The following MYL7 variants were observed in gnomAD, a reference collection of about 807,000 sequenced individuals.
MYL7 encodes myosin regulatory light chain 2, atrial isoform.
Under a neutral mutation model 22.5 loss-of-function variants are expected in MYL7, and 27 were observed. That is an observed-to-expected ratio of 1.20 (90% CI 0.89 to 1.66). The LOEUF (loss-of-function observed/expected upper bound fraction) is 1.66. MYL7 is among the 40% of genes most tolerant of loss of function. MYL7 has a pLI of 0.00. For synonymous variants in MYL7, 81 were observed against 84.4 expected (o/e 0.96, Z 0.22); for missense variants, 209 against 226.8 (o/e 0.92, Z 0.50).
chr7:44,140,919 G>A (rs2096264775), intron 2 of MYL7, 42 bp downstream of exon 2: 2 of 1,422,310 alleles, frequency 1.4e-6, no homozygotes, highest in South Asian at 1.1e-5. Flanking sequence ...TGGGGTGGGG[G>A]GGCCAGGATG....
At position 44,139,590 on chromosome 7, in the gene MYL7, G is replaced by A. The variant is rs779967809; in HGVS notation, c.378-21C>T. The A allele has an allele frequency of 6.3e-6, 10 of 1,598,050 alleles. No individual in the cohort carries two copies. In the Admixed American group the frequency reaches 1.7e-4, roughly 28 times the overall value. On this transcript the variant is annotated intron_variant, in intron 5 of 6. Transcript: ENST00000223364. ...TGAACCTGGGGGGTGAGGAGGGTCT[G>A]AGCAGGAGACTGCGGGGGAGTGACT...
Position 44,139,173 on chromosome 7 carries a change from G to A in MYL7, c.427-151C>T. On this transcript the variant is annotated intron_variant, in intron 6 of 6. Coordinates refer to ENST00000223364, the MANE Select transcript of MYL7 (RefSeq NM_021223.3). Reference sequence around the variant, plus strand: ...CCTAGACCCCAGACTCTGGGTTAATGTTTTTCTCTTGGCTGACTCTGGGCA... The same window carrying A: ...CCTAGACCCCAGACTCTGGGTTAATATTTTTCTCTTGGCTGACTCTGGGCA... 6.1e-6 allele frequency: 4 copies of A among 661,066 alleles called. No homozygotes were observed. The South Asian group carries it at 7.4e-5, about 12-fold the overall frequency. The allele number at this position is 661,066 out of a possible 1,614,324, so 41.0% of individuals were successfully genotyped here.
In MYL7 at chr7:44,141,058, C is replaced by T. The variant is rs1243492068; in HGVS notation, c.20G>A (p.Gly7Glu). 2 of 1,613,850 alleles carry T rather than the reference C, an allele frequency of 1.2e-6. No homozygotes were observed. The highest frequency in any genetic ancestry group is 1.7e-6 in the Non-Finnish European group (2 of 1,179,956). The change falls in exon 2 of 7, where the codon GGG becomes GAG. Residue 7 changes from glycine to glutamate, a missense_variant. By Grantham distance (98) the Gly-to-Glu change is moderately conservative. Transcript: ENST00000223364. ...GGTGGCTGCCACCTTGCCCCGGGTCCCCGCCTTCCTGCTGGCCTGCAACAC... is the reference window on the plus strand; with the variant it reads ...GGTGGCTGCCACCTTGCCCCGGGTCTCCGCCTTCCTGCTGGCCTGCAACAC... The part of the protein sequence containing the change: MASRKA[G>E]TRGKVAATKQ...
intron 1 of MYL7, 41 bp from the exon 2 acceptor site, chr7:44,141,115 C>T (rs1285868987): frequency 1.1e-5 from 17 of 1,599,118 alleles, no homozygotes; most frequent in African/African-American, 2.7e-5. Context: ...TCCCCAACTC[C>T]TCAGAGTCTC....
chr7:44,140,763 G>C lies in MYL7; in HGVS notation c.142C>G (p.Arg48Gly). 3 of 1,613,190 alleles carry C rather than the reference G, an allele frequency of 1.9e-6. No homozygotes were observed. The highest frequency in any genetic ancestry group is 2.5e-6 in the Non-Finnish European group (3 of 1,179,712). The change falls in exon 3 of 7, where the codon CGT (arginine) becomes GGT (glycine). Residue 48 changes from arginine (R) to glycine (G), a missense_variant. Arg to Gly is a moderately radical substitution (Grantham distance 125). Coordinates refer to ENST00000223364, the MANE Select transcript of MYL7 (RefSeq NM_021223.3). Reference protein sequence around the residue: ...KEAFSCIDQNRDGIICKADLR... With the variant: ...KEAFSCIDQNGDGIICKADLR... ...TCTGCCTTGCAGATGATGCCATCACGATTCTGGTCGATACAGCTGAAGGCC... is the reference window on the plus strand; with the variant it reads ...TCTGCCTTGCAGATGATGCCATCACCATTCTGGTCGATACAGCTGAAGGCC...
chr7:44,139,168 TTAATGTTTTTCTCTTGGCTGACTCTGGGC>T, intron 6 of MYL7, 146 bp from the exon 7 acceptor site: 1 of 663,208 alleles, frequency 1.5e-6, no homozygotes. Flanking sequence ...AGACTCTGGG[TTAATGTTTTTCTCTTGGCTGACTCTGGGC>T]AGAGTGAGGA....
chr7:44,140,209 T>G, intron 4 of MYL7, 114 bp downstream of exon 4: 1 of 849,880 alleles, frequency 1.2e-6, no homozygotes, highest in Non-Finnish European at 1.9e-6. Context: ...CAGTTAGGGT[T>G]CAGGTGGGGT....
intron 4 of MYL7, 52 bp from the exon 5 acceptor site, chr7:44,139,912 C>A (rs764051011): frequency 6.5e-6 from 10 of 1,531,166 alleles, no homozygotes; most frequent in Non-Finnish European, 8.8e-6. Flanking sequence ...CATCCCAGGT[C>A]CCCCGCAGGA....
intron 3 of MYL7, 53 bp from the exon 4 acceptor site, chr7:44,140,480 A>AG (rs5883888): frequency 1 from 1,483,409 of 1,483,442 alleles, 741,688 homozygotes; most frequent in Middle Eastern, 1. Flanking sequence ...GTCCCCCAGA[A>AG]GGCCCAGGCC....
intron 5 of MYL7, 83 bp from the exon 6 acceptor site, chr7:44,139,652 A>C: frequency 6.4e-7 from 1 of 1,571,800 alleles, no homozygotes; most frequent in Non-Finnish European, 8.7e-7. Flanking sequence ...CCCATGGCGC[A>C]GGGAAGGGTT....
chr7:44,139,415 G>A (rs558872244), intron 6 of MYL7, 106 bp downstream of exon 6: 59 of 1,279,920 alleles, frequency 4.6e-5, no homozygotes, highest in Non-Finnish European at 6.2e-5. Flanking sequence ...AAGGGCCCTC[G>A]GCTCACCCTT....
intron 6 of MYL7, 142 bp from the exon 7 acceptor site, chr7:44,139,164 T>TG: frequency 1.5e-6 from 1 of 663,680 alleles, no homozygotes; most frequent in Non-Finnish European, 2.6e-6. Context: ...CCCCAGACTC[T>TG]GGGTTAATGT....
chr7:44,138,978 G>A lies in MYL7; in HGVS notation c.471C>T (p.Asn157=), dbSNP rs777512145. The part of the protein sequence containing the change: ...FALTPMDLAG[N]IDYKSLCYII... ...TGTAGCACAGTGACTTGTAGTCGAT[G>A]TTCCCCGCCAGGTCCATGGGTGTCA... The change falls in exon 7 of 7, where the codon AAC becomes AAT. Residue 157 remains asparagine (N), a synonymous_variant. Coordinates refer to ENST00000223364, the MANE Select transcript of MYL7 (RefSeq NM_021223.3). The A allele has an allele frequency of 5.6e-6, 9 of 1,614,002 alleles. No individual in the cohort carries two copies. The highest frequency in any genetic ancestry group is 1.7e-5 in the Admixed American group (1 of 59,996).
At chr7:44,139,171 A>C in intron 6 of MYL7, 149 bp from the exon 7 acceptor site, 1 of 661,880 alleles carries the variant, frequency 1.5e-6, no homozygotes, top group Non-Finnish European at 2.6e-6. Context: ...CTCTGGGTTA[A>C]TGTTTTTCTC....
chr7:44,140,360 GA>G lies in MYL7; in HGVS notation c.260del (p.Phe87SerfsTer22). 2.5e-6 allele frequency: 4 copies of G among 1,614,070 alleles called. No homozygotes were observed. Among genetic ancestry groups the G allele is most frequent in the Non-Finnish European group, 3.4e-6 (4 of 1,179,984 alleles). On this transcript the variant is annotated frameshift_variant, in exon 4 of 7. Transcript: ENST00000223364. LOFTEE classifies it high-confidence loss of function. Reference sequence around the variant, plus strand: ...CCCCAAAGAGCGTGAGGAAGACGGTGAAGTTGATGGGGCCCTTGCCCTCTTG... The same window carrying G: ...CCCCAAAGAGCGTGAGGAAGACGGTGAGTTGATGGGGCCCTTGCCCTCTTG... Reference protein sequence around the residue: ...MLQEGKGPINFTVFLTLFGEK... With the variant: ...MLQEGKGPINXTVFLTLFGEK...
rs896259111 is a variant in MYL7 at position 44,139,689 on chromosome 7, G to T, written c.377+93C>A. 2.5e-6 allele frequency: 4 copies of T among 1,572,558 alleles called. No individual in the cohort carries two copies. The Middle Eastern group carries it at 5.1e-4, about 199-fold the overall frequency. On this transcript the variant is annotated intron_variant, in intron 5 of 6. Transcript: ENST00000223364. ...GCTGCACCCCAAAGAGCAGTGTAAG[G>T]CCCCGAAGCACAGGCAGCCCCCCTC...
At chr7:44,140,639 C>G in intron 3 of MYL7, 73 bp downstream of exon 3, 1 of 1,475,662 alleles carries the variant, frequency 6.8e-7, no homozygotes, top group South Asian at 1.3e-5. Context: ...TCCTGTCCCC[C>G]CAGCCACTCC....
chr7:44,141,237 T>C (rs746277231), intron 1 of MYL7, 66 bp downstream of exon 1: 2 of 1,613,044 alleles, frequency 1.2e-6, no homozygotes, highest in African/African-American at 2.7e-5. Context: ...CAGAAAACTC[T>C]GCTCCCCCAG....
At chr7:44,139,068 G>A in intron 6 of MYL7, 46 bp from the exon 7 acceptor site, 1 of 1,480,078 alleles carries the variant, frequency 6.8e-7, no homozygotes, top group Non-Finnish European at 9.4e-7. Context: ...TCCTGGCCCA[G>A]CCCGGCAGAG....
Sources: allele counts gnomAD v4.1 joint callset, GRCh38; gene constraint gnomAD v4.1.1; transcripts MANE v1.5; gene names NCBI Gene and HGNC (gene_info 2026-07-23, HGNC 2026-07-21).